The following MALL variants were observed in gnomAD, a reference collection of about 807,000 sequenced individuals.
The protein encoded by MALL is mal, T cell differentiation protein like, also known as MAL-like protein.
Under a neutral mutation model 10.3 loss-of-function variants are expected in MALL, and 2 were observed. The observed-to-expected ratio is 0.19, with a 90% CI of 0.08 to 0.61. The LOEUF is 0.61. Ranked by LOEUF, MALL falls within the 20% of genes least tolerant of loss-of-function variation. MALL has a pLI of 0.88. For missense variants in MALL, 39 were observed against 115.2 expected, an observed-to-expected ratio of 0.34 and a Z score of 3.03; for synonymous variants, 27 against 51.8, an observed-to-expected ratio of 0.52 and a Z score of 2.05.
intron 1 of MALL, chr2:110,097,569 A>G (rs925214540): frequency 2.8e-5 from 13 of 456,230 alleles, no homozygotes; most frequent in African/African-American, 1.8e-4. Flanking sequence ...TCACACACTG[A>G]GGTTCTGAGA....
chr2:110,111,101 C>T (rs1422792165), intron 1 of MALL, among the ~76,000 whole-genome samples: 1 of 152,134 alleles, frequency 6.6e-6, no homozygotes, highest in African/African-American at 2.4e-5. Flanking sequence ...GACAAACCCA[C>T]AGCCAACGTA....
At chr2:110,105,413 C>T (rs1023516809) in intron 1 of MALL, among the ~76,000 whole-genome samples, 1 of 152,202 alleles carries the variant, frequency 6.6e-6, no homozygotes, top group Non-Finnish European at 1.5e-5. Context: ...AGGGGACATC[C>T]TTGGCCATTA....
intron 1 of MALL, among the ~76,000 whole-genome samples, chr2:110,114,708 G>C (rs945710195): frequency 1.3e-5 from 2 of 151,290 alleles, no homozygotes; most frequent in Admixed American, 6.6e-5. Context: ...TTTGCAAGCA[G>C]AAGACGAGAA....
At chr2:110,095,816 G>A (rs576265937) in intron 1 of MALL, among the ~76,000 whole-genome samples, 1 of 152,224 alleles carries the variant, frequency 6.6e-6, no homozygotes, top group Non-Finnish European at 1.5e-5. Context: ...TACCACACCA[G>A]ATAGTGAGAA....
intron 1 of MALL, among the ~76,000 whole-genome samples, chr2:110,092,595 G>GT (rs570276109): frequency 1.5e-5 from 1 of 67,738 alleles, no homozygotes; most frequent in African/African-American, 4.2e-5. Context: ...TATTGACTAT[G>GT]TTTTTTATCA....
intron 1 of MALL, among the ~76,000 whole-genome samples, chr2:110,101,232 C>G (rs1204004897): frequency 6.6e-6 from 1 of 152,136 alleles, no homozygotes; most frequent in Non-Finnish European, 1.5e-5. Context: ...CCTCAGTTAC[C>G]CAGTAGGGGT....
chr2:110,105,719 T>C (rs1184305141), intron 1 of MALL, among the ~76,000 whole-genome samples: 3 of 152,180 alleles, frequency 2.0e-5, no homozygotes, highest in Non-Finnish European at 4.4e-5. Flanking sequence ...AAAACTCAAC[T>C]TCTAAGGCAC....
At position 110,115,811 on chromosome 2, in the gene MALL, G is replaced by C. The variant is rs1162162064; in HGVS notation, c.-19C>G. 2.5e-6 allele frequency: 3 copies of C among 1,207,252 alleles called. No individual in the cohort carries two copies. The highest frequency in any genetic ancestry group is 3.1e-5 in the African/African-American group (2 of 63,726). 74.8% of individuals were successfully genotyped at this position (1,207,252 alleles called of 1,614,324 possible). ...AGGCCATGCTGTCAGCCCCTGCCGGGTGCTCCGCGGCAGCTCGCCCGCGCG... is the reference window on the plus strand; with the variant it reads ...AGGCCATGCTGTCAGCCCCTGCCGGCTGCTCCGCGGCAGCTCGCCCGCGCG... On this transcript the variant is annotated 5_prime_UTR_variant, in exon 1 of 4. Coordinates refer to ENST00000272462, the MANE Select transcript of MALL (RefSeq NM_005434.5).
At chr2:110,102,694 A>T (rs1678598663) in intron 1 of MALL, among the ~76,000 whole-genome samples, 2 of 152,124 alleles carry the variant, frequency 1.3e-5, no homozygotes, top group Non-Finnish European at 2.9e-5. Context: ...TATTTGTTTC[A>T]TCCTCACCTA....
At chr2:110,100,626 C>T (rs2104384967) in intron 1 of MALL, among the ~76,000 whole-genome samples, 1 of 152,304 alleles carries the variant, frequency 6.6e-6, no homozygotes, top group Non-Finnish European at 1.5e-5. Flanking sequence ...ATGGAAATCT[C>T]TCCCTTTTTG....
At chr2:110,106,197 T>C (rs1318475107) in intron 1 of MALL, among the ~76,000 whole-genome samples, 1 of 152,230 alleles carries the variant, frequency 6.6e-6, no homozygotes, top group Non-Finnish European at 1.5e-5. Context: ...AAATAATTTA[T>C]TGGAGTCATA....
chr2:110,105,037 C>T (rs943841530), intron 1 of MALL, among the ~76,000 whole-genome samples: 1 of 152,194 alleles, frequency 6.6e-6, no homozygotes, highest in Non-Finnish European at 1.5e-5. Context: ...CCTATGAAGT[C>T]CACATTCAAA....
At chr2:110,112,248 T>C (rs760070074) in intron 1 of MALL, among the ~76,000 whole-genome samples, 2 of 152,156 alleles carry the variant, frequency 1.3e-5, no homozygotes, top group Non-Finnish European at 2.9e-5. Flanking sequence ...CTAATTAAAC[T>C]ACAGAGCTTT....
chr2:110,100,665 A>G (rs1678545222), intron 1 of MALL, among the ~76,000 whole-genome samples: 2 of 152,132 alleles, frequency 1.3e-5, no homozygotes, highest in African/African-American at 4.8e-5. Context: ...CCCTTGCTCC[A>G]GCGTGCCTTC....
chr2:110,116,727 C>G (rs1273498479), upstream of MALL, among the ~76,000 whole-genome samples: 1 of 152,206 alleles, frequency 6.6e-6, no homozygotes, highest in Non-Finnish European at 1.5e-5. Flanking sequence ...AAATACAAGT[C>G]CCAAAGGCTG....
intron 1 of MALL, among the ~76,000 whole-genome samples, chr2:110,103,023 T>C (rs1678608232): frequency 6.6e-6 from 1 of 152,044 alleles, no homozygotes; most frequent in Non-Finnish European, 1.5e-5. Context: ...AGTGCTGAAG[T>C]AGAAAAGCAA....
chr2:110,092,744 G>A (rs1398601397), intron 1 of MALL, among the ~76,000 whole-genome samples: 3 of 127,058 alleles, frequency 2.4e-5, no homozygotes, highest in Non-Finnish European at 3.6e-5. Flanking sequence ...ATAAAGAAAT[G>A]CTTCTCTATT....
intron 1 of MALL, among the ~76,000 whole-genome samples, chr2:110,096,827 T>TATCGA (rs1286128312): frequency 6.6e-6 from 1 of 151,868 alleles, no homozygotes; most frequent in African/African-American, 2.4e-5. Context: ...CACCTCCAGG[T>TATCGA]TAAATAACTG....
chr2:110,096,588 G>A (rs1448080063), intron 1 of MALL, among the ~76,000 whole-genome samples: 1 of 152,050 alleles, frequency 6.6e-6, no homozygotes, highest in East Asian at 1.9e-4. Context: ...TAAAGGATGG[G>A]AAATTCACTT....
Sources: allele counts gnomAD v4.1 joint callset (sites outside exome capture counted in the v4.1 genomes callset), GRCh38; gene constraint gnomAD v4.1.1; transcripts MANE v1.5; gene names NCBI Gene and HGNC (gene_info 2026-07-23, HGNC 2026-07-21).